Variants in COG6 observed in about 807,000 individuals in gnomAD.
COG6 encodes the protein component of oligomeric golgi complex 6, also known as conserved oligomeric Golgi complex subunit 6.
Under a neutral mutation model 88.8 loss-of-function variants are expected in COG6, and 74 were observed. That is an observed-to-expected ratio of 0.83 (90% CI 0.69 to 1.01). The LOEUF is 1.01. Among genes scored for constraint, COG6 ranks in the 50% least tolerant of loss-of-function variants. The pLI is 0.00. For synonymous variants in COG6, 286 were observed against 278.7 expected (o/e 1.03, Z -0.26); for missense variants, 800 against 797.9 (o/e 1.00, Z -0.03).
At chr13:39,750,586 G>T (rs1880568696) in intron 18 of COG6, among the ~76,000 whole-genome samples, 1 of 152,104 alleles carries the variant, frequency 6.6e-6, no homozygotes, top group South Asian at 2.1e-4. Flanking sequence ...TCTTTAATGT[G>T]TTACCACTTT....
intron 18 of COG6, among the ~76,000 whole-genome samples, chr13:39,736,983 A>G (rs1257533644): frequency 1.3e-5 from 2 of 152,148 alleles, no homozygotes; most frequent in Non-Finnish European, 2.9e-5. Context: ...CAAGTATTCA[A>G]GGGGACTTGT....
chr13:39,701,621 G>A (rs773742998), intron 13 of COG6, among the ~76,000 whole-genome samples: 19 of 151,888 alleles, frequency 1.3e-4, no homozygotes, highest in Non-Finnish European at 2.7e-4. Context: ...GGAGGGCATG[G>A]TTAATAATGA....
intron 18 of COG6, among the ~76,000 whole-genome samples, chr13:39,741,897 G>A (rs967317790): frequency 1.6e-4 from 25 of 152,166 alleles, no homozygotes; most frequent in Admixed American, 3.9e-4. Flanking sequence ...CAGACTAACC[G>A]CATATCTGTC....
intron 14 of COG6, 76 bp from the exon 15 acceptor site, chr13:39,719,584 T>TG (rs1878735735): frequency 7.1e-7 from 1 of 1,401,322 alleles, no homozygotes; most frequent in South Asian, 1.2e-5. Flanking sequence ...CCAATTAGTT[T>TG]GGCATTAAAT....
chr13:39,746,337 C>T (rs1880350343), intron 18 of COG6, among the ~76,000 whole-genome samples: 1 of 151,888 alleles, frequency 6.6e-6, no homozygotes, highest in Admixed American at 6.6e-5. Flanking sequence ...TACTTCCCGT[C>T]AGCTATGGAC....
At chr13:39,730,773 CAAAAAAAAAAAA>C (rs569292449) in intron 18 of COG6, among the ~76,000 whole-genome samples, 1 of 39,466 alleles carries the variant, frequency 2.5e-5, no homozygotes, top group East Asian at 9.1e-4. Flanking sequence ...GACTCCATCT[CAAAAAAAAAAAA>C]AAAAAAAAAA....
At chr13:39,677,669 A>T (rs1876055055) in intron 5 of COG6, 90 bp downstream of exon 5, 4 of 682,018 alleles carry the variant, frequency 5.9e-6, no homozygotes, top group South Asian at 2.0e-5. Flanking sequence ...TTTTCCCATT[A>T]AAAAAAGTTT....
intron 13 of COG6, among the ~76,000 whole-genome samples, chr13:39,714,907 A>T (rs993905381): frequency 6.6e-6 from 1 of 152,206 alleles, no homozygotes; most frequent in Admixed American, 6.5e-5. Flanking sequence ...AATTGCAACA[A>T]CTTGAATGGA....
intron 18 of COG6, among the ~76,000 whole-genome samples, chr13:39,771,731 A>G (rs1015750761): frequency 1.3e-5 from 2 of 152,254 alleles, no homozygotes; most frequent in African/African-American, 4.8e-5. Context: ...TTAATTGTAT[A>G]AAGTAACTGA....
Position 39,783,811 on chromosome 13 carries a change from A to G in COG6, c.1827-4524A>G, listed in dbSNP as rs569594092. On this transcript the variant is annotated intron_variant, in intron 18 of 18. Transcript: ENST00000416691. ...CTCCTCAAGCTAAGTGGCCATCCAA[A>G]TACAACTGTAACACAATTTTCATGT... Among the ~76,000 whole-genome samples, 3 of 152,314 alleles carry G rather than the reference A, an allele frequency of 2.0e-5. No individual in the cohort carries two copies. The South Asian group carries it at 6.2e-4, about 32-fold the overall frequency.
rs550238513 is a variant in COG6, at chr13:39,751,129, C to T, written c.*36C>T. 4 of 1,611,052 alleles carry T rather than the reference C, an allele frequency of 2.5e-6. No homozygotes were observed. The highest frequency in any genetic ancestry group is 1.7e-5 in the Admixed American group (1 of 59,778). On this transcript the variant is annotated 3_prime_UTR_variant, in exon 19 of 19. Transcript: ENST00000455146. ...TCATTGTGTTAGCAAAATATGACCT[C>T]CCTAAAACACTGAAGGTTATTTTTT...
intron 18 of COG6, among the ~76,000 whole-genome samples, chr13:39,771,071 A>G (rs1442537913): frequency 1.3e-5 from 2 of 152,136 alleles, no homozygotes; most frequent in African/African-American, 4.8e-5. Context: ...GCTGCAGATC[A>G]GGTCCATGCA....
At chr13:39,685,551 A>G (rs1876588193) in intron 8 of COG6, among the ~76,000 whole-genome samples, 1 of 152,126 alleles carries the variant, frequency 6.6e-6, no homozygotes, top group Admixed American at 6.5e-5. Context: ...GTCCCAGTGG[A>G]CAGTCCTAGA....
chr13:39,680,855 G>A (rs1876269701), intron 7 of COG6, among the ~76,000 whole-genome samples: 1 of 152,084 alleles, frequency 6.6e-6, no homozygotes, highest in African/African-American at 2.4e-5. Flanking sequence ...CCATTGTGAG[G>A]CCTGTGTGAT....
Position 39,655,886 on chromosome 13 carries a change from G to A in COG6, c.153+7G>A, listed in dbSNP as rs771549956. On this transcript the variant is annotated splice_region_variant and intron_variant, in intron 1 of 18. Transcript: ENST00000455146. ...GCGGCTGGACAACGACAAGGTAACC[G>A]GGGCTGGCGGGGCCGGAGTCACAGG... 7 of 1,603,598 alleles carry A rather than the reference G, an allele frequency of 4.4e-6. No individual in the cohort carries two copies. Among genetic ancestry groups the A allele is most frequent in the Non-Finnish European group, 6.0e-6 (7 of 1,176,362 alleles).
At chr13:39,721,428 T>C (rs1878845422) in intron 15 of COG6, among the ~76,000 whole-genome samples, 1 of 152,136 alleles carries the variant, frequency 6.6e-6, no homozygotes, top group South Asian at 2.1e-4. Context: ...GTAATTGTTC[T>C]GTCAGCAGAT....
chr13:39,780,351 A>G (rs1439996093), intron 18 of COG6, among the ~76,000 whole-genome samples: 1 of 152,204 alleles, frequency 6.6e-6, no homozygotes, highest in Admixed American at 6.5e-5. Flanking sequence ...CAAGGAAGGC[A>G]AGACCACCAG....
chr13:39,696,742 G>C (rs746667533), intron 12 of COG6, among the ~76,000 whole-genome samples: 1 of 151,294 alleles, frequency 6.6e-6, no homozygotes, highest in Non-Finnish European at 1.5e-5. Context: ...TGAGGGTTTT[G>C]AGTGACCTGA....
chr13:39,727,070 G>A (rs888949560), intron 17 of COG6, among the ~76,000 whole-genome samples: 2 of 151,802 alleles, frequency 1.3e-5, no homozygotes, highest in Non-Finnish European at 2.9e-5. Flanking sequence ...ACTTAATATA[G>A]TACCTTTTCA....
Sources: allele counts gnomAD v4.1 joint callset (sites outside exome capture counted in the v4.1 genomes callset), GRCh38; gene constraint gnomAD v4.1.1; transcripts MANE v1.5; gene names NCBI Gene and HGNC (gene_info 2026-07-23, HGNC 2026-07-21).